The following RIMS1 variants were observed in gnomAD, a reference collection of about 807,000 sequenced individuals.
The protein encoded by RIMS1 is regulating synaptic membrane exocytosis 1.
RIMS1 carries 83 observed loss-of-function variants against 214.1 expected under a neutral mutation model. That is an observed-to-expected ratio of 0.39 (90% CI 0.32 to 0.47). The LOEUF is 0.47. RIMS1 is among the 20% of genes least tolerant of loss of function. The probability of loss-of-function intolerance (pLI) is 0.99; values close to 1 mark genes in which losing one functional copy is unlikely to be tolerated. For missense variants in RIMS1, 2,050 were observed against 2,161.8 expected (o/e 0.95, Z 1.03); for synonymous variants, 793 against 786.8 (o/e 1.01, Z -0.13).
intron 1 of RIMS1, among the ~76,000 whole-genome samples, chr6:71,897,818 G>GATGA (rs3076621): frequency 0.068 from 10,267 of 151,860 alleles, 422 homozygotes; most frequent in East Asian, 0.18. Flanking sequence ...TATATGGATG[G>GATGA]ATGAATGAAT....
At chr6:72,308,090 T>C (rs1263389602) in intron 27 of RIMS1, among the ~76,000 whole-genome samples, 1 of 152,148 alleles carries the variant, frequency 6.6e-6, no homozygotes, top group Non-Finnish European at 1.5e-5. Context: ...TATTTGTGAA[T>C]GATAAAAATT....
intron 1 of RIMS1, among the ~76,000 whole-genome samples, chr6:71,889,779 A>G (rs1769042879): frequency 1.3e-5 from 2 of 152,248 alleles, no homozygotes; most frequent in South Asian, 2.1e-4. Flanking sequence ...TTTGTGTTAA[A>G]ATAGATTGGA....
At chr6:72,266,705 T>C (rs2080725366) in intron 22 of RIMS1, among the ~76,000 whole-genome samples, 1 of 152,166 alleles carries the variant, frequency 6.6e-6, no homozygotes, top group Non-Finnish European at 1.5e-5. Flanking sequence ...ATTGATGTTG[T>C]GTTACACTAT....
At chr6:72,399,333 C>G (rs894100494) in intron 33 of RIMS1, among the ~76,000 whole-genome samples, 4 of 152,070 alleles carry the variant, frequency 2.6e-5, no homozygotes. Context: ...TCTTTTCTCT[C>G]TCTATCCTCT....
intron 2 of RIMS1, among the ~76,000 whole-genome samples, chr6:71,985,806 C>T (rs1002632480): frequency 3.9e-5 from 6 of 152,256 alleles, no homozygotes; most frequent in Middle Eastern, 3.4e-3. Context: ...GAGTGCCCCT[C>T]GCTATGTCTG....
chr6:72,128,819 C>G (rs187619307), intron 4 of RIMS1, among the ~76,000 whole-genome samples: 1 of 152,162 alleles, frequency 6.6e-6, no homozygotes, highest in Non-Finnish European at 1.5e-5. Flanking sequence ...CCAAACTGAC[C>G]AGACACAGCA....
At chr6:71,887,517 G>T (rs1455680120) in intron 1 of RIMS1, among the ~76,000 whole-genome samples, 1 of 152,136 alleles carries the variant, frequency 6.6e-6, no homozygotes, top group Non-Finnish European at 1.5e-5. Context: ...CCACCCAAGT[G>T]GAAGGTCCCT....
intron 24 of RIMS1, among the ~76,000 whole-genome samples, chr6:72,284,510 C>A (rs1368596496): frequency 2.0e-5 from 3 of 151,920 alleles, no homozygotes; most frequent in Non-Finnish European, 4.4e-5. Flanking sequence ...CTAAATAATG[C>A]CATCTTTTAA....
intron 4 of RIMS1, among the ~76,000 whole-genome samples, chr6:72,115,020 CAT>C (rs2036808876): frequency 6.6e-6 from 1 of 151,938 alleles, no homozygotes. Context: ...CTGAACGCTG[CAT>C]ATATGATAAG....
chr6:72,398,880 A>G, intron 32 of RIMS1, 75 bp from the exon 33 acceptor site: 5 of 912,512 alleles, frequency 5.5e-6, no homozygotes, highest in South Asian at 1.8e-5. Context: ...TAATTCTCTA[A>G]TAGGGAATTC....
At chr6:72,007,952 A>C (rs1002934024) in intron 2 of RIMS1, among the ~76,000 whole-genome samples, 3 of 152,194 alleles carry the variant, frequency 2.0e-5, no homozygotes, top group Admixed American at 6.5e-5. Flanking sequence ...GCCAACATTC[A>C]AATTCAGGAA....
At chr6:72,053,693 A>G (rs1825351685) in intron 2 of RIMS1, among the ~76,000 whole-genome samples, 1 of 152,216 alleles carries the variant, frequency 6.6e-6, no homozygotes. Flanking sequence ...GGAATAGAAA[A>G]GAACACAAAG....
At chr6:72,227,810 A>G (rs2154069199) in intron 6 of RIMS1, among the ~76,000 whole-genome samples, 1 of 152,098 alleles carries the variant, frequency 6.6e-6, no homozygotes, top group Middle Eastern at 3.4e-3. Context: ...ATAAATAATA[A>G]TTGATGCATT....
chr6:71,912,734 TTAAG>T (rs1484743236), intron 1 of RIMS1, among the ~76,000 whole-genome samples: 1 of 152,110 alleles, frequency 6.6e-6, no homozygotes, highest in Admixed American at 6.6e-5. Flanking sequence ...CAAATATTTA[TTAAG>T]TATTATGTGT....
chr6:72,313,627 C>A lies in RIMS1; in HGVS notation c.4085C>A (p.Thr1362Lys), dbSNP rs1461783526. The A allele has an allele frequency of 6.2e-7, 1 of 1,613,578 alleles. No homozygotes were observed. Among genetic ancestry groups the A allele is most frequent in the South Asian group, 1.1e-5 (1 of 90,982 alleles). The stretch of plus-strand genomic sequence containing the variant: ...AGCAGTGCCTCACGCCTCAGCAGCA[C>A]AAGCTTTATGTCAGAGCAATCTGAG... ...RTSSASRLSS[T>K]SFMSEQSERP... Residue 1362 changes from threonine to lysine, a missense_variant, in exon 28 of 34, where the codon ACA becomes AAA. By Grantham distance (78) the Thr-to-Lys change is moderately conservative (BLOSUM62 -1). This residue lies in a region of RIMS1 where 889 missense variants were observed against 885.5 expected (regional missense o/e 1.00). Transcript: ENST00000521978.
chr6:71,953,236 G>C (rs747343414), intron 1 of RIMS1, among the ~76,000 whole-genome samples: 1 of 151,970 alleles, frequency 6.6e-6, no homozygotes. Flanking sequence ...CCATCCACCC[G>C]CGTTAACTTC....
chr6:72,123,997 G>A (rs575112208), intron 4 of RIMS1, among the ~76,000 whole-genome samples: 2 of 151,810 alleles, frequency 1.3e-5, no homozygotes, highest in African/African-American at 4.8e-5. Flanking sequence ...TGTTATGTGT[G>A]AATTTGATCC....
At chr6:72,082,588 A>G (rs1833679948) in intron 2 of RIMS1, among the ~76,000 whole-genome samples, 1 of 152,210 alleles carries the variant, frequency 6.6e-6, no homozygotes, top group South Asian at 2.1e-4. Flanking sequence ...ATTGGCACAC[A>G]TGGAGATTAA....
At chr6:71,942,697 A>G (rs1157425551) in intron 1 of RIMS1, among the ~76,000 whole-genome samples, 1 of 152,094 alleles carries the variant, frequency 6.6e-6, no homozygotes. Flanking sequence ...TATTTTGTAA[A>G]GAGATATCAA....
Sources: gnomAD v4.1 joint callset for allele counts (sites outside exome capture counted in the v4.1 genomes callset) on GRCh38, gnomAD v4.1.1 for gene constraint, gnomAD v4.1.1 regional missense constraint, MANE v1.5 for transcripts, NCBI Gene and HGNC (gene_info 2026-07-23, HGNC 2026-07-21) for gene names.